The following FHOD3 variants were observed in gnomAD, a reference collection of about 807,000 sequenced individuals.
The protein encoded by FHOD3 is FH1/FH2 domain-containing protein 3.
Under a neutral mutation model 173.0 loss-of-function variants are expected in FHOD3, and 90 were observed. That is an observed-to-expected ratio of 0.52 (90% CI 0.44 to 0.62). FHOD3 has a LOEUF of 0.62. Among genes scored for constraint, FHOD3 ranks in the 20% least tolerant of loss-of-function variants. The probability of loss-of-function intolerance (pLI) is 0.00; values close to 1 mark genes in which losing one functional copy is unlikely to be tolerated. For missense variants in FHOD3, 1,945 were observed against 2,034.7 expected, an observed-to-expected ratio of 0.96 and a Z score of 0.85; for synonymous variants, 828 against 823.0, an observed-to-expected ratio of 1.01 and a Z score of -0.10.
At chr18:36,749,735 T>A (rs943705239) in intron 24 of FHOD3, among the ~76,000 whole-genome samples, 1 of 152,216 alleles carries the variant, frequency 6.6e-6, no homozygotes, top group Non-Finnish European at 1.5e-5. Context: ...AGTTCTGCTT[T>A]TAGCTCTTTG....
Position 36,718,734 on chromosome 18 carries a change from A to C in FHOD3, c.3417+19A>C. 4.4e-6 allele frequency: 7 copies of C among 1,598,116 alleles called. No homozygotes were observed. The highest frequency in any genetic ancestry group is 4.3e-6 in the Non-Finnish European group (5 of 1,171,402). ...CTCAAAGGTACTGCTAGTCTTCAGC[A>C]TGCTTCTTGATTGGAAGTTGGGTAG... is the stretch of plus-strand genomic sequence containing the variant. On this transcript the variant is annotated intron_variant, in intron 19 of 28. Coordinates refer to ENST00000590592, the MANE Select transcript of FHOD3 (RefSeq NM_001281740.3).
chr18:36,335,804 C>T lies in FHOD3; in HGVS notation c.166-19735C>T, dbSNP rs149374154. Among the ~76,000 whole-genome samples the T allele has an allele frequency of 5.0e-3, 762 of 152,302 alleles. 2 individuals carry two copies. Among genetic ancestry groups the T allele is most frequent in the Admixed American group, 8.6e-3 (132 of 15,308 alleles). On this transcript the variant is annotated intron_variant, in intron 1 of 28. Coordinates refer to ENST00000590592, the MANE Select transcript of FHOD3 (RefSeq NM_001281740.3). ...GGGTGCCCCTGTGCTGTGCTCCTCA[C>T]GTGCCTCTGTTGCTAGACAGGGGTG...
At chr18:36,346,232 A>G (rs1241845385) in intron 1 of FHOD3, among the ~76,000 whole-genome samples, 3 of 152,110 alleles carry the variant, frequency 2.0e-5, no homozygotes, top group African/African-American at 7.2e-5. Flanking sequence ...CAGACGTGGT[A>G]ACGCACACCT....
At chr18:36,319,800 G>A (rs1436345495) in intron 1 of FHOD3, among the ~76,000 whole-genome samples, 1 of 152,196 alleles carries the variant, frequency 6.6e-6, no homozygotes. Flanking sequence ...TCAGACCACA[G>A]TGCAATCAAA....
At chr18:36,387,180 C>T (rs1308875885) in intron 3 of FHOD3, among the ~76,000 whole-genome samples, 2 of 152,050 alleles carry the variant, frequency 1.3e-5, no homozygotes, top group African/African-American at 2.4e-5. Flanking sequence ...TCAGGGGTGT[C>T]CTGCTTGAGG....
chr18:36,381,732 G>C (rs2047802972), intron 3 of FHOD3, among the ~76,000 whole-genome samples: 1 of 152,134 alleles, frequency 6.6e-6, no homozygotes, highest in Non-Finnish European at 1.5e-5. Context: ...AAGCTAAAAG[G>C]GTCAAGGTAC....
intron 3 of FHOD3, among the ~76,000 whole-genome samples, chr18:36,389,701 A>G (rs929305325): frequency 2.6e-5 from 4 of 152,138 alleles, no homozygotes; most frequent in African/African-American, 9.7e-5. Flanking sequence ...GTGCATCTCA[A>G]GGGAGCCCAA....
chr18:36,636,739 A>C (rs749194183), intron 10 of FHOD3, among the ~76,000 whole-genome samples: 2 of 149,938 alleles, frequency 1.3e-5, no homozygotes, highest in Non-Finnish European at 3.0e-5. Flanking sequence ...CCTCATAAGG[A>C]GGTGGCTGGT....
chr18:36,635,214 A>G (rs2034797942), intron 10 of FHOD3, among the ~76,000 whole-genome samples: 1 of 152,204 alleles, frequency 6.6e-6, no homozygotes, highest in African/African-American at 2.4e-5. Flanking sequence ...TTACTTTGCA[A>G]TGCTCCTGGT....
intron 9 of FHOD3, among the ~76,000 whole-genome samples, chr18:36,617,388 CTT>C (rs2033295008): frequency 6.6e-6 from 1 of 152,170 alleles, no homozygotes; most frequent in Non-Finnish European, 1.5e-5. Flanking sequence ...TCTTTTGACT[CTT>C]TGTAGAATAT....
At chr18:36,585,155 G>A (rs2058985597) in intron 6 of FHOD3, among the ~76,000 whole-genome samples, 1 of 152,118 alleles carries the variant, frequency 6.6e-6, no homozygotes, top group South Asian at 2.1e-4. Context: ...CCAATGCTGT[G>A]CTGTGTTTAA....
intron 5 of FHOD3, among the ~76,000 whole-genome samples, chr18:36,521,941 C>G (rs2056298213): frequency 6.6e-6 from 1 of 152,226 alleles, no homozygotes; most frequent in South Asian, 2.1e-4. Context: ...CACCCATCTT[C>G]ATCTGGTTCA....
chr18:36,597,815 A>G (rs1028035774), intron 7 of FHOD3, among the ~76,000 whole-genome samples: 1 of 152,140 alleles, frequency 6.6e-6, no homozygotes, highest in Non-Finnish European at 1.5e-5. Context: ...TGAAAAAAAA[A>G]AAAAAAGGAA....
At chr18:36,348,287 G>A (rs539108005) in intron 1 of FHOD3, among the ~76,000 whole-genome samples, 4 of 152,320 alleles carry the variant, frequency 2.6e-5, no homozygotes, top group Non-Finnish European at 5.9e-5. Flanking sequence ...AGGCATAGCT[G>A]TATTGCAACT....
chr18:36,708,094 T>A (rs1026915186), intron 17 of FHOD3, among the ~76,000 whole-genome samples: 15 of 152,224 alleles, frequency 9.9e-5, no homozygotes, highest in African/African-American at 2.9e-4. Flanking sequence ...AATAAAAAAA[T>A]TTTAAAAAAG....
In FHOD3 at chr18:36,557,443, G is replaced by T. The variant is rs564981612; in HGVS notation, c.512-19008G>T. ...TTGAATCTTCCATTAATCGCATCCAGTGTAATTTTCGTCTTGGAAATTGTG... is the reference window on the plus strand; with the variant it reads ...TTGAATCTTCCATTAATCGCATCCATTGTAATTTTCGTCTTGGAAATTGTG... On this transcript the variant is annotated intron_variant, in intron 5 of 28. Transcript: ENST00000590592. Among the ~76,000 whole-genome samples the T allele has an allele frequency of 2.6e-5, 4 of 152,012 alleles. No homozygotes were observed. The South Asian group carries it at 8.3e-4, about 32-fold the overall frequency.
intron 3 of FHOD3, among the ~76,000 whole-genome samples, chr18:36,436,058 C>T (rs2050792396): frequency 6.6e-6 from 1 of 152,056 alleles, no homozygotes; most frequent in Non-Finnish European, 1.5e-5. Context: ...TTGCTTAGTG[C>T]TGATATAAGA....
intron 25 of FHOD3, among the ~76,000 whole-genome samples, chr18:36,757,813 G>T (rs1350114702): frequency 6.6e-6 from 1 of 152,182 alleles, no homozygotes; most frequent in Non-Finnish European, 1.5e-5. Flanking sequence ...TGTGTACAAA[G>T]TTGGTCCTAG....
At chr18:36,394,969 T>C (rs990298804) in intron 3 of FHOD3, among the ~76,000 whole-genome samples, 1 of 152,208 alleles carries the variant, frequency 6.6e-6, no homozygotes, top group African/African-American at 2.4e-5. Context: ...GGTTTTTACA[T>C]AGTCTCTTCT....
Sources: gnomAD v4.1 joint callset for allele counts (sites outside exome capture counted in the v4.1 genomes callset) on GRCh38, gnomAD v4.1.1 for gene constraint, MANE v1.5 for transcripts, NCBI Gene and HGNC (gene_info 2026-07-23, HGNC 2026-07-21) for gene names.